Variants in CUX1 observed in about 807,000 individuals in gnomAD.
The protein encoded by CUX1 is protein CASP.
CUX1 carries 31 observed loss-of-function variants against 158.8 expected under a neutral mutation model. The observed-to-expected ratio is 0.20, with a 90% CI of 0.15 to 0.26. The LOEUF (loss-of-function observed/expected upper bound fraction) is 0.26. CUX1 is among the 10% of genes least tolerant of loss of function. The pLI is 1.00. For missense variants in CUX1, 1,589 were observed against 2,014.6 expected, an observed-to-expected ratio of 0.79 and a Z score of 4.04; for synonymous variants, 879 against 862.1, an observed-to-expected ratio of 1.02 and a Z score of -0.34.
At chr7:101,986,876 CA>C (rs1814382562) in intron 2 of CUX1, among the ~76,000 whole-genome samples, 1 of 152,190 alleles carries the variant, frequency 6.6e-6, no homozygotes, top group Non-Finnish European at 1.5e-5. Flanking sequence ...GGCCCTGCTG[CA>C]GGGTCCTTCA....
chr7:101,816,404 C>CGCGCCGCCGCCGCCGCCA (rs1261154741), upstream of CUX1, among the ~76,000 whole-genome samples: 11 of 143,540 alleles, frequency 7.7e-5, no homozygotes, highest in Admixed American at 1.4e-4. Flanking sequence ...CCCCGGGCCC[C>CGCGCCGCCGCCGCCGCCA]GCGCCGCCGC....
chr7:102,011,757 G>A (rs568080577), intron 2 of CUX1, among the ~76,000 whole-genome samples: 55 of 152,280 alleles, frequency 3.6e-4, no homozygotes, highest in African/African-American at 7.2e-4. Context: ...GGCAGGACAC[G>A]GAGGTACACC....
intron 1 of CUX1, among the ~76,000 whole-genome samples, chr7:101,903,849 G>T (rs1466152073): frequency 2.0e-5 from 3 of 152,034 alleles, no homozygotes; most frequent in Non-Finnish European, 2.9e-5. Flanking sequence ...ACAAATTCTT[G>T]ATTCTTGATG....
rs1789784114 is a variant in CUX1 at position 102,255,384 on chromosome 7, CCAAAAAAAAAAAAAGA to C, written c.*6354_*6369del. On this transcript the variant is annotated 3_prime_UTR_variant, in exon 24 of 24. Coordinates refer to ENST00000292535, the MANE Select transcript of CUX1 (RefSeq NM_181552.4). Reference sequence around the variant, plus strand: ...AGTTGGGCATTGTAGGCGAAAAATCCCAAAAAAAAAAAAAGACAAAAAAAAAAGGCTGGCGAGAGAA... The same window carrying C: ...AGTTGGGCATTGTAGGCGAAAAATCCCAAAAAAAAAAGGCTGGCGAGAGAA... The C allele has an allele frequency of 1.2e-6, 1 of 840,566 alleles. No homozygotes were observed. The highest frequency in any genetic ancestry group is 1.3e-6 in the Non-Finnish European group (1 of 762,536). 52.1% of individuals were successfully genotyped at this position (840,566 alleles called of 1,614,324 possible).
In CUX1 at chr7:102,273,326, C is replaced by A. The variant is rs782641597; in HGVS notation, c.1256-40C>A. On this transcript the variant is annotated intron_variant, in intron 14 of 22. Transcript: ENST00000292538. The stretch of plus-strand genomic sequence containing the variant: ...CCAGGGGAGGGCACCAAGGGTCCCA[C>A]CAGGCTCCCTCTGACGGCCATGTCT... The A allele has an allele frequency of 1.9e-6, 3 of 1,601,774 alleles. No individual in the cohort carries two copies. In the South Asian group the frequency reaches 3.4e-5, roughly 18 times the overall value.
At chr7:102,203,675 A>G (rs1554520345) in intron 18 of CUX1, among the ~76,000 whole-genome samples, 1 of 152,198 alleles carries the variant, frequency 6.6e-6, no homozygotes, top group East Asian at 1.9e-4. Context: ...AGAACTTTTC[A>G]AAAGAGTGAT....
chr7:101,993,331 AAAATAAATAAAT>A (rs36140974), intron 2 of CUX1, among the ~76,000 whole-genome samples: 1 of 151,178 alleles, frequency 6.6e-6, no homozygotes, highest in Non-Finnish European at 1.5e-5. Context: ...CTCCGTCTCA[AAAATAAATAAAT>A]AAATAAATAA....
At chr7:102,123,097 G>A (rs1360046084) in intron 8 of CUX1, among the ~76,000 whole-genome samples, 5 of 152,072 alleles carry the variant, frequency 3.3e-5, no homozygotes, top group African/African-American at 1.2e-4. Context: ...TGGGTGTGGT[G>A]GCGCATGCCT....
chr7:102,210,996 A>T (rs1294834533), intron 20 of CUX1, among the ~76,000 whole-genome samples: 1 of 152,142 alleles, frequency 6.6e-6, no homozygotes, highest in Non-Finnish European at 1.5e-5. Flanking sequence ...GTGAGCTTTG[A>T]ACTCTGCAGT....
chr7:102,257,802 G>T lies in CUX1; in HGVS notation c.*8760G>T. On this transcript the variant is annotated 3_prime_UTR_variant, in exon 24 of 24. Coordinates refer to ENST00000292535, the MANE Select transcript of CUX1 (RefSeq NM_181552.4). ...GCACCAAGTCTTAGATCTTTCTAGA[G>T]CTTGTTTGTTCATCCTCACAATCAC... is the stretch of plus-strand genomic sequence containing the variant. 1 of 983,672 alleles carries T rather than the reference G, an allele frequency of 1.0e-6. No individual in the cohort carries two copies. The highest frequency in any genetic ancestry group is 1.2e-6 in the Non-Finnish European group (1 of 829,704). The allele number at this position is 983,672 out of a possible 1,614,324, so 60.9% of individuals were successfully genotyped here. A position where few individuals can be genotyped will look rare whatever the true frequency, so the allele number is the denominator to read the frequency against.
At chr7:101,873,389 T>C (rs1336573021) in intron 1 of CUX1, among the ~76,000 whole-genome samples, 2 of 136,318 alleles carry the variant, frequency 1.5e-5, no homozygotes, top group Admixed American at 1.7e-4. Context: ...GGCCTCACTA[T>C]GTTGCCCAGG....
At chr7:102,234,799 G>A (rs577275127) in intron 22 of CUX1, among the ~76,000 whole-genome samples, 16 of 151,272 alleles carry the variant, frequency 1.1e-4, no homozygotes, top group East Asian at 3.9e-4. Context: ...GCTTGGTGGC[G>A]TGCGCCTCTA....
chr7:101,945,763 G>C (rs947726562), intron 2 of CUX1, among the ~76,000 whole-genome samples: 1 of 152,188 alleles, frequency 6.6e-6, no homozygotes, highest in African/African-American at 2.4e-5. Context: ...TAGGTTCAGG[G>C]AGCCAGACGT....
At chr7:102,010,892 C>T (rs1400217798) in intron 2 of CUX1, among the ~76,000 whole-genome samples, 2 of 152,262 alleles carry the variant, frequency 1.3e-5, no homozygotes, top group South Asian at 2.1e-4. Flanking sequence ...GGGCGGATCA[C>T]CTGAGGTCGA....
intron 6 of CUX1, among the ~76,000 whole-genome samples, chr7:102,107,365 C>A (rs1554488791): frequency 6.6e-6 from 1 of 151,958 alleles, no homozygotes. Flanking sequence ...ATGGTGAAAC[C>A]CCATCTCTAC....
intron 4 of CUX1, among the ~76,000 whole-genome samples, chr7:102,080,424 C>G (rs1022218161): frequency 6.6e-6 from 1 of 152,120 alleles, no homozygotes; most frequent in Non-Finnish European, 1.5e-5. Context: ...ATTATGTAAT[C>G]GTATGATTAC....
intron 7 of CUX1, among the ~76,000 whole-genome samples, chr7:102,112,242 CTT>C (rs1267673413): frequency 4.0e-5 from 4 of 100,778 alleles, no homozygotes; most frequent in Admixed American, 2.1e-4. Context: ...TTCTCTCTCT[CTT>C]TTTTTTTTTT....
At chr7:101,990,284 C>T (rs1219800276) in intron 2 of CUX1, among the ~76,000 whole-genome samples, 3 of 152,098 alleles carry the variant, frequency 2.0e-5, no homozygotes, top group African/African-American at 7.2e-5. Context: ...ATTGCTTGAG[C>T]CCTGGAGTTC....
At chr7:102,209,571 T>G (rs570906702) in intron 20 of CUX1, among the ~76,000 whole-genome samples, 3 of 152,086 alleles carry the variant, frequency 2.0e-5, no homozygotes, top group African/African-American at 7.2e-5. Flanking sequence ...CTACAAATAT[T>G]TTTTTTTGTT....
Sources: allele counts gnomAD v4.1 joint callset (sites outside exome capture counted in the v4.1 genomes callset), GRCh38; gene constraint gnomAD v4.1.1; transcripts MANE v1.5; gene names NCBI Gene and HGNC (gene_info 2026-07-23, HGNC 2026-07-21).